The following WDR7 variants were observed in gnomAD, a reference collection of about 807,000 sequenced individuals.
WDR7 encodes WD repeat domain 7, also known as WD repeat-containing protein 7.
Under a neutral mutation model 169.4 loss-of-function variants are expected in WDR7, and 46 were observed. That is an observed-to-expected ratio of 0.27 (90% CI 0.21 to 0.35). WDR7 has a LOEUF of 0.35. Among genes scored for constraint, WDR7 ranks in the 10% least tolerant of loss-of-function variants. The pLI, the probability that WDR7 is intolerant of heterozygous loss-of-function variation, is 1.00. For synonymous variants in WDR7, 612 were observed against 666.8 expected (o/e 0.92, Z 1.27); for missense variants, 1,534 against 1,859.3 (o/e 0.83, Z 3.22).
At chr18:57,006,504 A>C (rs758490092) in intron 26 of WDR7, among the ~76,000 whole-genome samples, 5 of 152,294 alleles carry the variant, frequency 3.3e-5, no homozygotes, top group Admixed American at 2.6e-4. Context: ...TTGACCTTTT[A>C]GTTTTGCTTA....
At chr18:56,930,174 A>G (rs750897115) in intron 22 of WDR7, among the ~76,000 whole-genome samples, 1 of 152,216 alleles carries the variant, frequency 6.6e-6, no homozygotes, top group Admixed American at 6.5e-5. Context: ...ATTCAGAGAG[A>G]AGCATAAAGT....
intron 12 of WDR7, among the ~76,000 whole-genome samples, chr18:56,706,528 C>T (rs926682975): frequency 1.3e-5 from 2 of 152,064 alleles, no homozygotes; most frequent in African/African-American, 2.4e-5. Context: ...TTAGAAGTAA[C>T]GCTTGGCCTG....
At chr18:56,837,992 A>T (rs906798404) in intron 20 of WDR7, among the ~76,000 whole-genome samples, 5 of 152,258 alleles carry the variant, frequency 3.3e-5, no homozygotes, top group African/African-American at 1.2e-4. Flanking sequence ...ACATATCAGT[A>T]TAAAATGAAG....
chr18:56,800,028 T>C (rs1043230716), intron 19 of WDR7, among the ~76,000 whole-genome samples: 2 of 152,128 alleles, frequency 1.3e-5, no homozygotes, highest in African/African-American at 2.4e-5. Context: ...AAAATAGACT[T>C]TGCTATGTTT....
At chr18:56,867,100 C>T (rs1481036337) in intron 20 of WDR7, among the ~76,000 whole-genome samples, 1 of 152,138 alleles carries the variant, frequency 6.6e-6, no homozygotes, top group Admixed American at 6.6e-5. Flanking sequence ...TAACAGCTCA[C>T]TGCAACCTCC....
chr18:56,809,944 T>G (rs969639579), intron 19 of WDR7, among the ~76,000 whole-genome samples: 2 of 152,158 alleles, frequency 1.3e-5, no homozygotes, highest in African/African-American at 4.8e-5. Flanking sequence ...TCAATCCTTT[T>G]GTCACACTCC....
chr18:56,980,274 C>T (rs917887671), intron 26 of WDR7, among the ~76,000 whole-genome samples: 2 of 152,168 alleles, frequency 1.3e-5, no homozygotes, highest in African/African-American at 2.4e-5. Flanking sequence ...CTTAGAACAG[C>T]CCCTGCAGAG....
At chr18:56,724,410 T>A (rs1037980922) in intron 13 of WDR7, among the ~76,000 whole-genome samples, 14 of 151,654 alleles carry the variant, frequency 9.2e-5, no homozygotes, top group African/African-American at 3.4e-4. Context: ...GGGGGTTTCA[T>A]CATGTTTGCC....
intron 26 of WDR7, among the ~76,000 whole-genome samples, chr18:57,005,893 GT>G (rs1333260303): frequency 6.6e-6 from 1 of 152,184 alleles, no homozygotes. Flanking sequence ...TGGGCCGCAT[GT>G]GGCCCATAGA....
intron 21 of WDR7, among the ~76,000 whole-genome samples, chr18:56,921,860 C>T (rs970944801): frequency 7.9e-5 from 12 of 152,182 alleles, no homozygotes; most frequent in African/African-American, 2.9e-4. Context: ...GCTCCCAACA[C>T]AGAGGCCCTT....
intron 20 of WDR7, among the ~76,000 whole-genome samples, chr18:56,837,610 TTGAAA>T (rs1454547464): frequency 2.0e-5 from 3 of 152,246 alleles, no homozygotes; most frequent in Non-Finnish European, 2.9e-5. Context: ...TTTTGATTTA[TTGAAA>T]TGAAATTTAT....
chr18:56,712,674 A>G (rs1478225979), intron 12 of WDR7, among the ~76,000 whole-genome samples: 1 of 152,232 alleles, frequency 6.6e-6, no homozygotes, highest in Non-Finnish European at 1.5e-5. Flanking sequence ...CACCTGTAAA[A>G]TACTATCTAA....
chr18:57,034,250 AT>A (rs1398264249), downstream of WDR7: 2 of 152,254 alleles, frequency 1.3e-5, no homozygotes, highest in Non-Finnish European at 2.9e-5. Context: ...CCCAAGCTCC[AT>A]TTCAAAACCA....
chr18:56,764,408 G>A (rs1468707576), intron 16 of WDR7, among the ~76,000 whole-genome samples: 1 of 151,986 alleles, frequency 6.6e-6, no homozygotes, highest in East Asian at 1.9e-4. Context: ...AATTGATTGT[G>A]TTTATATATG....
intron 16 of WDR7, among the ~76,000 whole-genome samples, chr18:56,762,243 C>CT (rs908800432): frequency 1.1e-4 from 16 of 151,066 alleles, no homozygotes; most frequent in Admixed American, 3.3e-4. Flanking sequence ...TTTAGGAAAA[C>CT]TTTTTTTTTC....
intron 2 of WDR7, among the ~76,000 whole-genome samples, chr18:56,674,564 A>G (rs1295979984): frequency 1.3e-5 from 2 of 152,178 alleles, no homozygotes; most frequent in Non-Finnish European, 2.9e-5. Context: ...TATATTCTAG[A>G]TACAAATCCC....
At chr18:56,855,062 G>A (rs2045698391) in intron 20 of WDR7, among the ~76,000 whole-genome samples, 1 of 152,156 alleles carries the variant, frequency 6.6e-6, no homozygotes, top group Non-Finnish European at 1.5e-5. Flanking sequence ...AGATGTATGA[G>A]AGATGCTATT....
chr18:56,662,066 G>A (rs2024915010), intron 1 of WDR7, among the ~76,000 whole-genome samples: 3 of 152,140 alleles, frequency 2.0e-5, no homozygotes. Flanking sequence ...GCTGTTTAGG[G>A]TTTAGTACTT....
chr18:57,023,395 T>C (rs2048317140), intron 27 of WDR7, among the ~76,000 whole-genome samples: 1 of 152,250 alleles, frequency 6.6e-6, no homozygotes. Context: ...TTAAAATCTT[T>C]GCTGAGAAAT....
Sources: allele counts gnomAD v4.1 joint callset (sites outside exome capture counted in the v4.1 genomes callset), GRCh38; gene constraint gnomAD v4.1.1; transcripts MANE v1.5; gene names NCBI Gene and HGNC (gene_info 2026-07-23, HGNC 2026-07-21).